TBC1D30: variants seen among roughly 807,000 people sequenced by gnomAD.
The protein encoded by TBC1D30 is TBC1 domain family member 30, also known as TBC1 domain family, member 30.
TBC1D30 carries 31 observed loss-of-function variants against 63.2 expected under a neutral mutation model. The ratio of observed to expected loss-of-function variants is 0.49; its 90% confidence interval spans 0.37 to 0.66. TBC1D30 has a LOEUF of 0.66. TBC1D30 is among the 30% of genes least tolerant of loss of function. The pLI, the probability that TBC1D30 is intolerant of heterozygous loss-of-function variation, is 0.00. For missense variants in TBC1D30, 810 were observed against 953.6 expected (o/e 0.85, Z 1.98); for synonymous variants, 307 against 361.5 (o/e 0.85, Z 1.71).
At position 64,780,653 on chromosome 12, in the gene TBC1D30, C is replaced by T. The variant is rs148321918; in HGVS notation, c.-156C>T. On this transcript the variant is annotated 5_prime_UTR_variant, in exon 1 of 13. Coordinates refer to the TBC1D30 transcript ENST00000542120. The stretch of plus-strand genomic sequence containing the variant: ...GAGGGGAGCGGCTCAGGTGCCGGCT[C>T]GGGGGAGGCCCGGGCACCTCGGGGA... Among the ~76,000 whole-genome samples the T allele has an allele frequency of 3.7e-3, 567 of 152,258 alleles. 1 individual carries two copies. Among genetic ancestry groups the T allele is most frequent in the Non-Finnish European group, 7.0e-3 (474 of 67,978 alleles).
chr12:64,830,547 A>G (rs116967084), intron 4 of TBC1D30, 45 bp downstream of exon 4: 70 of 1,474,952 alleles, frequency 4.7e-5, no homozygotes, highest in Non-Finnish European at 6.2e-5. Context: ...TAGAAGAAAG[A>G]CTCTAAAAGC....
At chr12:64,781,691 C>CTTTTTTT (rs34191075) in intron 1 of TBC1D30, among the ~76,000 whole-genome samples, 6 of 145,134 alleles carry the variant, frequency 4.1e-5, no homozygotes, top group Non-Finnish European at 6.1e-5. Flanking sequence ...CTGTTCTTTC[C>CTTTTTTT]TTTTTTTTTT....
Position 64,864,791 on chromosome 12 carries a change from T to A in TBC1D30, c.1151+11T>A, listed in dbSNP as rs1009348761. The A allele has an allele frequency of 2.3e-5, 35 of 1,512,316 alleles. No individual in the cohort carries two copies. The highest frequency in any genetic ancestry group is 5.9e-5 in the Admixed American group (3 of 50,824). The allele number at this position is 1,512,316 out of a possible 1,614,324, so 93.7% of individuals were successfully genotyped here. On this transcript the variant is annotated intron_variant, in intron 9 of 11. Coordinates refer to ENST00000539867, the MANE Select transcript of TBC1D30 (RefSeq NM_015279.2). ...CACCTCAGTTTCTGGGTAAGGTTTTTAAATTCCTTGTTGTTTTCATGATGG... is the reference window on the plus strand; with the variant it reads ...CACCTCAGTTTCTGGGTAAGGTTTTAAAATTCCTTGTTGTTTTCATGATGG...
chr12:64,867,017 A>G, intron 10 of TBC1D30, 114 bp downstream of exon 10: 1 of 1,221,920 alleles, frequency 8.2e-7, no homozygotes. Flanking sequence ...ACAACTATTA[A>G]AAGTCTTTAT....
intron 2 of TBC1D30, among the ~76,000 whole-genome samples, chr12:64,805,589 T>G (rs1872812292): frequency 6.6e-6 from 1 of 152,122 alleles, no homozygotes; most frequent in African/African-American, 2.4e-5. Context: ...TTCCAGCACT[T>G]TGGGAGGCCA....
At chr12:64,844,089 C>T (rs777350126) in intron 8 of TBC1D30, among the ~76,000 whole-genome samples, 1 of 152,150 alleles carries the variant, frequency 6.6e-6, no homozygotes, top group Non-Finnish European at 1.5e-5. Context: ...CCACTGTGCC[C>T]AGCCTACTTA....
intron 5 of TBC1D30, among the ~76,000 whole-genome samples, chr12:64,836,143 G>A (rs1387047095): frequency 6.6e-6 from 1 of 152,172 alleles, no homozygotes; most frequent in Non-Finnish European, 1.5e-5. Context: ...CAATACTGAG[G>A]CTCTGCTGGC....
chr12:64,859,944 C>T (rs1164773525), intron 8 of TBC1D30, among the ~76,000 whole-genome samples: 2 of 152,100 alleles, frequency 1.3e-5, no homozygotes, highest in South Asian at 2.1e-4. Context: ...TTTCCCACTC[C>T]CAGAGCCTCT....
At chr12:64,770,820 C>T (rs1870880631) in intron 1 of TBC1D30, among the ~76,000 whole-genome samples, 1 of 151,850 alleles carries the variant, frequency 6.6e-6, no homozygotes, top group Non-Finnish European at 1.5e-5. Context: ...TCCCCTTCCT[C>T]AGCCTCCCAC....
At chr12:64,792,526 C>A (rs563214760) in intron 2 of TBC1D30, among the ~76,000 whole-genome samples, 4 of 152,146 alleles carry the variant, frequency 2.6e-5, no homozygotes, top group Non-Finnish European at 5.9e-5. Context: ...AGGTTATAAA[C>A]GAGCCCTGTG....
In TBC1D30 at chr12:64,875,118, T is replaced by C; in HGVS notation, c.1616T>C (p.Ile539Thr). The C allele has an allele frequency of 6.5e-7, 1 of 1,536,486 alleles. No individual in the cohort carries two copies. Among genetic ancestry groups the C allele is most frequent in the Non-Finnish European group, 8.7e-7 (1 of 1,146,952 alleles). The change falls in exon 12 of 12, where the codon ATC (isoleucine) becomes ACC (threonine). Residue 539 changes from isoleucine (I) to threonine (T), a missense_variant. Physicochemically the swap from Ile to Thr is moderately conservative, Grantham distance 89 (BLOSUM62 -1). Coordinates refer to ENST00000539867, the MANE Select transcript of TBC1D30 (RefSeq NM_015279.2). ...AACAGAGCTGCCAAGAATGCTGTCA[T>C]CCACATCCCTGGTCACACAGGAGGG... ...MTNRAAKNAV[I>T]HIPGHTGGKI... is the part of the protein sequence containing the mutation.
At chr12:64,769,944 T>G (rs1870846172) in intron 1 of TBC1D30, among the ~76,000 whole-genome samples, 1 of 152,226 alleles carries the variant, frequency 6.6e-6, no homozygotes, top group South Asian at 2.1e-4. Flanking sequence ...AACAATGAAA[T>G]TGTAACATTT....
At chr12:64,765,424 G>A (rs1870671300) in intron 1 of TBC1D30, among the ~76,000 whole-genome samples, 1 of 134,616 alleles carries the variant, frequency 7.4e-6, no homozygotes, top group Non-Finnish European at 1.5e-5. Context: ...GGGAGGTGGA[G>A]GTTGAAGTGA....
In TBC1D30 at chr12:64,877,043, C is replaced by A. The variant is rs1592673242; in HGVS notation, c.*1255C>A. ...GTATTGGCTACATAGCGTGTAAAAA[C>A]CAAGACTGGGAAGCCATTCACTAAA... On this transcript the variant is annotated 3_prime_UTR_variant, in exon 12 of 12. Transcript: ENST00000539867. 2.7e-6 allele frequency: 1 copy of A among 375,716 alleles called. No homozygotes were observed. The highest frequency in any genetic ancestry group is 2.0e-5 in the South Asian group (1 of 50,210). 23.3% of individuals were successfully genotyped at this position (375,716 alleles called of 1,614,324 possible).
intron 2 of TBC1D30, among the ~76,000 whole-genome samples, chr12:64,803,064 A>T (rs1872675037): frequency 6.6e-6 from 1 of 152,208 alleles, no homozygotes; most frequent in Non-Finnish European, 1.5e-5. Context: ...TCCTTGAGGA[A>T]TCGCCACACT....
chr12:64,836,123 A>C (rs1875326276), intron 5 of TBC1D30, among the ~76,000 whole-genome samples: 1 of 152,210 alleles, frequency 6.6e-6, no homozygotes, highest in African/African-American at 2.4e-5. Context: ...CTGTGCTGAC[A>C]TCAAGGAGCC....
chr12:64,821,639 G>A (rs1214579037), upstream of TBC1D30, among the ~76,000 whole-genome samples: 1 of 152,122 alleles, frequency 6.6e-6, no homozygotes, highest in Non-Finnish European at 1.5e-5. Context: ...GGTATACTGT[G>A]CCCTCTAAAA....
At chr12:64,784,440 G>A (rs1023391222) in intron 1 of TBC1D30, among the ~76,000 whole-genome samples, 2 of 151,818 alleles carry the variant, frequency 1.3e-5, no homozygotes, top group African/African-American at 4.8e-5. Flanking sequence ...CTACTTTTGA[G>A]CATTTATTTT....
intron 11 of TBC1D30, 52 bp from the exon 12 acceptor site, chr12:64,874,949 G>A (rs1878927301): frequency 5.4e-6 from 8 of 1,469,238 alleles, no homozygotes; most frequent in South Asian, 2.7e-5. Context: ...GTTCCAAGAT[G>A]GATGTGTTTC....
Sources: allele counts gnomAD v4.1 joint callset (sites outside exome capture counted in the v4.1 genomes callset), GRCh38; gene constraint gnomAD v4.1.1; transcripts MANE v1.5; gene names NCBI Gene and HGNC (gene_info 2026-07-23, HGNC 2026-07-21).